The following NCALD variants were observed in gnomAD, a reference collection of about 807,000 sequenced individuals.
The protein encoded by NCALD is neurocalcin delta, also known as neurocalcin-delta.
In NCALD, 10 loss-of-function variants were observed where a neutral mutation model predicts 18.6. The ratio of observed to expected loss-of-function variants is 0.54; its 90% CI spans 0.33 to 0.91. The LOEUF is 0.91. Ranked by LOEUF, NCALD falls within the 40% of genes least tolerant of loss-of-function variation. NCALD has a pLI of 0.03. For missense variants in NCALD, 184 were observed against 247.6 expected, an observed-to-expected ratio of 0.74 and a Z score of 1.72; for synonymous variants, 88 against 87.4, an observed-to-expected ratio of 1.01 and a Z score of -0.04.
intron 2 of NCALD, among the ~76,000 whole-genome samples, chr8:101,978,404 C>T (rs550077163): frequency 6.6e-6 from 1 of 152,322 alleles, no homozygotes; most frequent in South Asian, 2.1e-4. Flanking sequence ...GTCCTAAGTG[C>T]TTTACATAAA....
chr8:101,982,840 C>CAA (rs34445002), intron 2 of NCALD, among the ~76,000 whole-genome samples: 1 of 112,352 alleles, frequency 8.9e-6, no homozygotes. Context: ...GACCCCATCT[C>CAA]AAAAAAAAAA....
At chr8:101,887,902 T>A (rs1236510084) in intron 3 of NCALD, among the ~76,000 whole-genome samples, 2 of 152,198 alleles carry the variant, frequency 1.3e-5, no homozygotes, top group Admixed American at 1.3e-4. Flanking sequence ...TTCTAGACAA[T>A]TCTCTTGGTA....
chr8:101,830,337 G>A (rs1814125691), intron 4 of NCALD, among the ~76,000 whole-genome samples: 1 of 152,256 alleles, frequency 6.6e-6, no homozygotes, highest in Non-Finnish European at 1.5e-5. Flanking sequence ...GAGGCAGGCG[G>A]ATCACCTGAG....
intron 1 of NCALD, among the ~76,000 whole-genome samples, chr8:102,114,681 C>A (rs1292410294): frequency 1.3e-5 from 2 of 152,194 alleles, no homozygotes; most frequent in Non-Finnish European, 2.9e-5. Context: ...TACCCTACCT[C>A]ACTCTCCTCC....
At chr8:102,025,036 ACTT>A (rs1028280555) in intron 1 of NCALD, among the ~76,000 whole-genome samples, 10 of 152,028 alleles carry the variant, frequency 6.6e-5, no homozygotes, top group Non-Finnish European at 1.3e-4. Context: ...CAAGAGGAAA[ACTT>A]CTTCCTTGGG....
At chr8:102,107,237 T>TAC (rs1554598802) in intron 1 of NCALD, among the ~76,000 whole-genome samples, 60 of 106,044 alleles carry the variant, frequency 5.7e-4, no homozygotes, top group African/African-American at 2.1e-3. Context: ...TATATATATA[T>TAC]ATACACATAG....
intron 1 of NCALD, among the ~76,000 whole-genome samples, chr8:102,044,762 A>G (rs181105666): frequency 4.1e-4 from 63 of 152,342 alleles, no homozygotes; most frequent in Non-Finnish European, 7.9e-4. Context: ...AGTTAAGAGC[A>G]TATGGTTAAG....
chr8:101,885,202 G>GAT (rs1816634308), intron 4 of NCALD, among the ~76,000 whole-genome samples: 1 of 152,142 alleles, frequency 6.6e-6, no homozygotes, highest in Non-Finnish European at 1.5e-5. Flanking sequence ...GCTAAAGAGC[G>GAT]ATATCCAAAC....
At chr8:101,801,637 CACTTACTTTTTTTTTTTTTTTTTTTTT>C (rs1383484259) in intron 4 of NCALD, among the ~76,000 whole-genome samples, 2 of 119,500 alleles carry the variant, frequency 1.7e-5, no homozygotes, top group African/African-American at 3.0e-5. Context: ...TTTACAAGCA[CACTTACTTTTTTTTTTTTTTTTTTTTT>C]TTTTTTTTTT....
At chr8:101,732,311 C>G (rs1816868548) in intron 1 of NCALD, among the ~76,000 whole-genome samples, 2 of 152,172 alleles carry the variant, frequency 1.3e-5, no homozygotes, top group South Asian at 4.1e-4. Flanking sequence ...ATCCAGGGCT[C>G]ATCACTTAAC....
At chr8:102,006,594 G>A (rs943498859) in intron 2 of NCALD, among the ~76,000 whole-genome samples, 4 of 152,146 alleles carry the variant, frequency 2.6e-5, no homozygotes, top group African/African-American at 9.7e-5. Context: ...ACCAGTAGAA[G>A]ATCCGAGCTA....
chr8:101,705,224 A>AAAAT (rs548716899), intron 2 of NCALD, among the ~76,000 whole-genome samples: 58 of 151,666 alleles, frequency 3.8e-4, no homozygotes, highest in Admixed American at 9.2e-4. Flanking sequence ...ACTTCATCTC[A>AAAAT]AAATAAATAA....
intron 1 of NCALD, among the ~76,000 whole-genome samples, chr8:101,785,384 C>T (rs1812184070): frequency 6.6e-6 from 1 of 152,082 alleles, no homozygotes; most frequent in East Asian, 1.9e-4. Context: ...ACTCAAAAAT[C>T]CAAGAGGGAT....
chr8:101,705,969 A>T (rs1586254621), intron 2 of NCALD, among the ~76,000 whole-genome samples: 1 of 152,238 alleles, frequency 6.6e-6, no homozygotes, highest in East Asian at 1.9e-4. Context: ...TAACTGGGGA[A>T]AAGTTATAAT....
At chr8:101,933,888 T>C (rs1336559256) in intron 2 of NCALD, among the ~76,000 whole-genome samples, 2 of 152,172 alleles carry the variant, frequency 1.3e-5, no homozygotes, top group East Asian at 3.8e-4. Context: ...TAAGTGATGG[T>C]TGAAGTTAAC....
chr8:101,755,872 C>G (rs1335559661), intron 1 of NCALD, among the ~76,000 whole-genome samples: 3 of 152,190 alleles, frequency 2.0e-5, no homozygotes, highest in Non-Finnish European at 4.4e-5. Flanking sequence ...TCAGATGACT[C>G]TTTTACCAGT....
At chr8:102,108,132 G>A (rs1825532207) in intron 1 of NCALD, among the ~76,000 whole-genome samples, 1 of 152,326 alleles carries the variant, frequency 6.6e-6, no homozygotes, top group African/African-American at 2.4e-5. Flanking sequence ...CAGCTCCCCC[G>A]CCTCAGCTGG....
intron 1 of NCALD, among the ~76,000 whole-genome samples, chr8:102,031,533 A>C (rs1469620792): frequency 6.6e-6 from 1 of 152,186 alleles, no homozygotes; most frequent in African/African-American, 2.4e-5. Flanking sequence ...ATGCTAATTC[A>C]TGATGCTACA....
chr8:101,936,585 A>ACT (rs1818772038), intron 2 of NCALD, among the ~76,000 whole-genome samples: 1 of 152,230 alleles, frequency 6.6e-6, no homozygotes, highest in South Asian at 2.1e-4. Context: ...GTCAGGGTAG[A>ACT]GGTTCTTAAC....
Sources: gnomAD v4.1 joint callset for allele counts (sites outside exome capture counted in the v4.1 genomes callset) on GRCh38, gnomAD v4.1.1 for gene constraint, MANE v1.5 for transcripts, NCBI Gene and HGNC (gene_info 2026-07-23, HGNC 2026-07-21) for gene names.